Variants in SHANK1 observed in about 807,000 individuals in gnomAD.
The protein encoded by SHANK1 is SH3 and multiple ankyrin repeat domains 1, also known as SH3 and multiple ankyrin repeat domains protein 1.
Under a neutral mutation model 165.6 loss-of-function variants are expected in SHANK1, and 35 were observed. The ratio of observed to expected loss-of-function variants is 0.21; its 90% CI spans 0.16 to 0.28. The LOEUF is 0.28. SHANK1 is among the 10% of genes least tolerant of loss of function. The pLI is 1.00. For missense variants in SHANK1, 2,681 were observed against 3,036.4 expected (o/e 0.88, Z 2.75); for synonymous variants, 1,428 against 1,384.8 (o/e 1.03, Z -0.69).
chr19:50,682,834 T>C (rs1197829064), intron 21 of SHANK1, among the ~76,000 whole-genome samples: 1 of 152,116 alleles, frequency 6.6e-6, no homozygotes, highest in Non-Finnish European at 1.5e-5. Flanking sequence ...CGTTTGTTTG[T>C]TTTTTAGAGA....
At chr19:50,665,902 A>ATGCCTGTAAGCCCAGCTACT (rs775149350) in intron 23 of SHANK1, among the ~76,000 whole-genome samples, 1 of 135,648 alleles carries the variant, frequency 7.4e-6, no homozygotes, top group Non-Finnish European at 1.6e-5. Context: ...GTGTGGTGGC[A>ATGCCTGTAAGCCCAGCTACT]TGGGAGGCTG....
Position 50,666,459 on chromosome 19 carries a change from G to C in SHANK1, c.5501C>G (p.Pro1834Arg). Residue 1834 changes from proline (P) to arginine (R), a missense_variant, in exon 23 of 24, where the codon CCC becomes CGC. Transcript: ENST00000293441. Reference sequence around the variant, plus strand: ...CTCCTCCCAGGGCAGCAGCTTCCGGGGCAGAGAGGAGGCCGTCGGCAAGGG... The same window carrying C: ...CTCCTCCCAGGGCAGCAGCTTCCGGCGCAGAGAGGAGGCCGTCGGCAAGGG... ...PVPLPTASSLPRKLLPWEEGP... is the reference protein window; with the variant it reads ...PVPLPTASSLRRKLLPWEEGP... 4 of 1,607,118 alleles carry C rather than the reference G, an allele frequency of 2.5e-6. No individual in the cohort carries two copies. Among genetic ancestry groups the C allele is most frequent in the Non-Finnish European group, 1.7e-6 (2 of 1,178,048 alleles).
rs1418195221 is a variant in SHANK1, at chr19:50,686,644, GGAAGGTGA to G, written c.2458+92_2458+99del. ...GTGGGATCGCAGCCTCTCTGGGGCA[GGAAGGTGA>G]GGGGCGCCGTGGGGTTCATGGTGGG... On this transcript the variant is annotated intron_variant, in intron 20 of 23. Coordinates refer to ENST00000293441, the MANE Select transcript of SHANK1 (RefSeq NM_016148.5). The surrounding 1 kb of genome is among the most constrained non-coding windows in gnomAD (Gnocchi z 5.7). 3.5e-6 allele frequency: 4 copies of G among 1,156,748 alleles called. No individual in the cohort carries two copies. Among genetic ancestry groups the G allele is most frequent in the Non-Finnish European group, 5.0e-6 (4 of 795,584 alleles). The allele number at this position is 1,156,748 out of a possible 1,614,324, so 71.7% of individuals were successfully genotyped here.
chr19:50,717,925 C>G lies in SHANK1; in HGVS notation c.-43-963G>C, dbSNP rs2089087519. 6.6e-6 allele frequency among the ~76,000 whole-genome samples: 1 copy of G among 151,952 alleles called. No individual in the cohort carries two copies. The highest frequency in any genetic ancestry group is 1.5e-5 in the Non-Finnish European group (1 of 67,968). ...CATCTCTAGATCCTTGCTGTTCTCCCTTGAGGTGGCCTTATGAGGGTGGAG... is the reference window on the plus strand; with the variant it reads ...CATCTCTAGATCCTTGCTGTTCTCCGTTGAGGTGGCCTTATGAGGGTGGAG... On this transcript the variant is annotated intron_variant, in intron 1 of 23. Transcript: ENST00000293441. The surrounding 1 kb of genome is among the most constrained non-coding windows in gnomAD (Gnocchi z 5.5).
Position 50,686,806 on chromosome 19 carries a change from T to C in SHANK1, c.2396A>G (p.Glu799Gly). 1 of 1,613,568 alleles carries C rather than the reference T, an allele frequency of 6.2e-7. No homozygotes were observed. The highest frequency in any genetic ancestry group is 2.2e-5 in the East Asian group (1 of 44,802). The change falls in exon 20 of 24, where the codon GAG (glutamate) becomes GGG (glycine). Residue 799 changes from glutamate to glycine, a missense_variant. Glu to Gly is a moderately conservative substitution (Grantham distance 98, BLOSUM62 -2). This residue lies in a region of SHANK1 where 206 missense variants were observed against 216.0 expected (regional missense o/e 0.95). Coordinates refer to ENST00000293441, the MANE Select transcript of SHANK1 (RefSeq NM_016148.5). The surrounding 1 kb of genome is among the most constrained non-coding windows in gnomAD (Gnocchi z 5.7). ...GCTGGGCACCGGCGCCGGCTGCTGC[T>C]CGTACTCTGTGGGCAAAGAACACGG... is the stretch of plus-strand genomic sequence containing the variant. ...MTSELEEMEY[E>G]QQPAPVPSME...
chr19:50,666,030 A>C (rs1985491752), intron 23 of SHANK1, among the ~76,000 whole-genome samples, 162 bp downstream of exon 23: 1 of 146,806 alleles, frequency 6.8e-6, no homozygotes, highest in Admixed American at 6.7e-5. Flanking sequence ...AAAAGAAAAA[A>C]AAAAAAAGAA....
intron 21 of SHANK1, among the ~76,000 whole-genome samples, chr19:50,675,295 A>G (rs556661313): frequency 5.3e-5 from 8 of 152,338 alleles, no homozygotes; most frequent in African/African-American, 1.9e-4. Context: ...ATTAATTTGT[A>G]AAATTCAATT....
chr19:50,704,335 G>A (rs2088911599), intron 9 of SHANK1, 102 bp downstream of exon 9: 4 of 1,342,308 alleles, frequency 3.0e-6, no homozygotes, highest in African/African-American at 1.4e-5. Flanking sequence ...TCCACGGCCT[G>A]TCTCCTTGCT....
At position 50,667,426 on chromosome 19, in the gene SHANK1, A is replaced by T. The variant is rs772368401; in HGVS notation, c.4534T>A (p.Ser1512Thr). Reference sequence around the variant, plus strand: ...GGCGGGACCCCCGGCCCGTCCTCCGAGGGGGGACCCCTTCCGCTCGTCACA... The same window carrying T: ...GGCGGGACCCCCGGCCCGTCCTCCGTGGGGGGACCCCTTCCGCTCGTCACA... Reference protein sequence around the residue: ...APVTSGRGPPSEDGPGVPPPS... With the variant: ...APVTSGRGPPTEDGPGVPPPS... The change falls in exon 23 of 24, where the codon TCG becomes ACG. Residue 1512 changes from serine to threonine, a missense_variant. By Grantham distance (58) the Ser-to-Thr change is moderately conservative. Around this residue, in one of 10 missense-constraint regions of SHANK1, gnomAD observed 1,713 missense variants for 1,630.2 expected, o/e 1.05. Transcript: ENST00000293441. The surrounding 1 kb of genome is among the most constrained non-coding windows in gnomAD (Gnocchi z 5.7). 4 of 1,520,884 alleles carry T rather than the reference A, an allele frequency of 2.6e-6. No homozygotes were observed. In the Admixed American group the frequency reaches 8.5e-5, roughly 32 times the overall value. The allele number at this position is 1,520,884 out of a possible 1,614,324, so 94.2% of individuals were successfully genotyped here.
At position 50,687,734 on chromosome 19, in the gene SHANK1, C is replaced by A. The variant is rs368155518; in HGVS notation, c.2309-72G>T. ...CCCACCACCCTCTACCACCACAGGG[C>A]TCCCAGGGCTCAGAGAATAGCCATT... On this transcript the variant is annotated intron_variant, in intron 18 of 23. Coordinates refer to ENST00000293441, the MANE Select transcript of SHANK1 (RefSeq NM_016148.5). 5.3e-4 allele frequency: 729 copies of A among 1,384,714 alleles called. 7 individuals carry two copies. The South Asian group carries it at 1.0e-2, about 19-fold the overall frequency. The allele number at this position is 1,384,714 out of a possible 1,614,324, so 85.8% of individuals were successfully genotyped here. A position where few individuals can be genotyped will look rare whatever the true frequency, so the allele number is the denominator to read the frequency against.
chr19:50,686,657 C>T lies in SHANK1; in HGVS notation c.2458+87G>A, dbSNP rs188558442. ...CTCTCTGGGGCAGGAAGGTGAGGGG[C>T]GCCGTGGGGTTCATGGTGGGACAGG... On this transcript the variant is annotated intron_variant, in intron 20 of 23. Coordinates refer to ENST00000293441, the MANE Select transcript of SHANK1 (RefSeq NM_016148.5). The surrounding 1 kb of genome is among the most constrained non-coding windows in gnomAD (Gnocchi z 5.7). 2 of 1,271,860 alleles carry T rather than the reference C, an allele frequency of 1.6e-6. No homozygotes were observed. The highest frequency in any genetic ancestry group is 1.5e-5 in the African/African-American group (1 of 66,904). The allele number at this position is 1,271,860 out of a possible 1,614,324, so 78.8% of individuals were successfully genotyped here. A position where few individuals can be genotyped will look rare whatever the true frequency, so the allele number is the denominator to read the frequency against.
At chr19:50,703,022 A>C (rs112284219) in intron 11 of SHANK1, among the ~76,000 whole-genome samples, 3 of 151,896 alleles carry the variant, frequency 2.0e-5, no homozygotes, top group Non-Finnish European at 2.9e-5. Flanking sequence ...CGCCGTTGCC[A>C]GCCTCTCCCC....
intron 22 of SHANK1, 105 bp downstream of exon 22, chr19:50,671,913 G>A: frequency 1.2e-6 from 1 of 830,336 alleles, no homozygotes. Context: ...ATGAAACTAT[G>A]GTCTCTCTGG....
chr19:50,666,488 C>T lies in SHANK1; in HGVS notation c.5472G>A (p.Pro1824=). 6.3e-7 allele frequency: 1 copy of T among 1,596,804 alleles called. No homozygotes were observed. Residue 1824 remains proline, a synonymous_variant, in exon 23 of 24, where the codon CCG becomes CCA. Coordinates refer to ENST00000293441, the MANE Select transcript of SHANK1 (RefSeq NM_016148.5). ...GAGAGGAGGCCGTCGGCAAGGGCAC[C>T]GGTGGGACTTCTGGCTCTACAGCCA... ...GPVAVEPEVP[P]VPLPTASSLP...
intron 8 of SHANK1, 21 bp downstream of exon 8, chr19:50,711,350 G>A (rs1419768965): frequency 6.5e-7 from 1 of 1,528,194 alleles, no homozygotes; most frequent in East Asian, 2.4e-5. Flanking sequence ...AGGGGCCTGG[G>A]GTGGCCGCTG....
At chr19:50,680,564 C>T (rs1220419582) in intron 21 of SHANK1, among the ~76,000 whole-genome samples, 1 of 152,114 alleles carries the variant, frequency 6.6e-6, no homozygotes, top group East Asian at 1.9e-4. Flanking sequence ...CTCCGCGCCC[C>T]TGCTGTCCCT....
chr19:50,678,270 AG>A (rs749400366), intron 21 of SHANK1, among the ~76,000 whole-genome samples: 5 of 152,120 alleles, frequency 3.3e-5, no homozygotes, highest in Non-Finnish European at 7.4e-5. Flanking sequence ...ACGAAGAGCC[AG>A]GAGAAGGGGG....
At position 50,713,793 on chromosome 19, in the gene SHANK1, C is replaced by T; in HGVS notation, c.792+5G>A. 5.0e-6 allele frequency: 8 copies of T among 1,612,492 alleles called. No homozygotes were observed. The highest frequency in any genetic ancestry group is 6.8e-6 in the Non-Finnish European group (8 of 1,179,550). On this transcript the variant is annotated splice_donor_5th_base_variant and intron_variant, in intron 6 of 23. Coordinates refer to ENST00000293441, the MANE Select transcript of SHANK1 (RefSeq NM_016148.5). The surrounding 1 kb of genome is among the most constrained non-coding windows in gnomAD (Gnocchi z 6.2). Reference sequence around the variant, plus strand: ...GGCGGGGATGGGGGGTCCCCGAAGCCTCACCGTGAGTGCCAGGCAGTGTCG... The same window carrying T: ...GGCGGGGATGGGGGGTCCCCGAAGCTTCACCGTGAGTGCCAGGCAGTGTCG...
At chr19:50,692,419 G>A (rs1986566875) in intron 15 of SHANK1, among the ~76,000 whole-genome samples, 1 of 146,800 alleles carries the variant, frequency 6.8e-6, no homozygotes, top group South Asian at 2.1e-4. Context: ...GATGACACCA[G>A]CTAGAAAAAT....
Sources: allele counts gnomAD v4.1 joint callset (sites outside exome capture counted in the v4.1 genomes callset), GRCh38; gene constraint gnomAD v4.1.1; regional missense constraint gnomAD v4.1.1; non-coding constraint Gnocchi (gnomAD v3.1); transcripts MANE v1.5; gene names NCBI Gene and HGNC (gene_info 2026-07-23, HGNC 2026-07-21).